NRP2: variants seen among roughly 807,000 people sequenced by gnomAD.
NRP2 encodes the protein neuropilin 2, also known as neuropilin-2.
In NRP2, 52 loss-of-function variants were observed where a neutral mutation model predicts 110.4. That is an observed-to-expected ratio of 0.47 (90% confidence interval 0.38 to 0.59). The LOEUF is 0.59. NRP2 is among the 20% of genes least tolerant of loss of function. The pLI is 0.00. For synonymous variants in NRP2, 508 were observed against 468.9 expected, an observed-to-expected ratio of 1.08 and a Z score of -1.08; for missense variants, 1,049 against 1,203.0, an observed-to-expected ratio of 0.87 and a Z score of 1.89.
rs1025960650 is a variant in NRP2, at chr2:205,683,051, G to A, written c.-240G>A. The A allele has an allele frequency of 3.6e-6, 2 of 550,218 alleles. No individual in the cohort carries two copies. The highest frequency in any genetic ancestry group is 3.1e-5 in the Admixed American group (1 of 32,122). 34.1% of individuals were successfully genotyped at this position (550,218 alleles called of 1,614,324 possible). A position where few individuals can be genotyped will look rare whatever the true frequency, so the allele number is the denominator to read the frequency against. Reference sequence around the variant, plus strand: ...GCGTTTTGTTTTTAAGAGGAAAACCGTGTTCTCTTCCCGGCTTGTTCCCTC... The same window carrying A: ...GCGTTTTGTTTTTAAGAGGAAAACCATGTTCTCTTCCCGGCTTGTTCCCTC... On this transcript the variant is annotated 5_prime_UTR_variant, in exon 1 of 17. The change creates a new upstream start codon in the 5' untranslated region. Transcript: ENST00000357785.
At chr2:205,690,626 A>ACACACG (rs768244705) in intron 1 of NRP2, among the ~76,000 whole-genome samples, 79 of 124,564 alleles carry the variant, frequency 6.3e-4, no homozygotes, top group Non-Finnish European at 1.1e-3. Flanking sequence ...ACACACACAC[A>ACACACG]CACAATAGCT....
In NRP2 at chr2:205,795,002, G is replaced by T; in HGVS notation, c.2725G>T (p.Asp909Tyr). Residue 909 changes from aspartate (D) to tyrosine (Y), a missense_variant, in exon 17 of 17, where the codon GAT (aspartate) becomes TAT (tyrosine). Coordinates refer to ENST00000357785, the MANE Select transcript of NRP2 (RefSeq NM_003872.3). Reference sequence around the variant, plus strand: ...GGAGAACTACAACTTCGAGCTCTACGATGGCCTTAAGCACAAGGTCAAGAT... The same window carrying T: ...GGAGAACTACAACTTCGAGCTCTACTATGGCCTTAAGCACAAGGTCAAGAT... Reference protein sequence around the residue: ...TLENYNFELYDGLKHKVKMNH... With the variant: ...TLENYNFELYYGLKHKVKMNH... 1 of 1,614,184 alleles carries T rather than the reference G, an allele frequency of 6.2e-7. No individual in the cohort carries two copies. The highest frequency in any genetic ancestry group is 8.5e-7 in the Non-Finnish European group (1 of 1,180,036).
intron 7 of NRP2, among the ~76,000 whole-genome samples, chr2:205,730,255 G>A (rs1047679868): frequency 9.9e-5 from 15 of 152,158 alleles, no homozygotes; most frequent in African/African-American, 3.4e-4. Context: ...CCTCATTCAC[G>A]GTGCGTCAGC....
At chr2:205,685,960 A>T (rs1385726093) in intron 1 of NRP2, 1 of 152,268 alleles carries the variant, frequency 6.6e-6, no homozygotes, top group Admixed American at 6.5e-5. Flanking sequence ...GTGCGCAGGA[A>T]CAGGTGAAGA....
intron 16 of NRP2, among the ~76,000 whole-genome samples, chr2:205,793,842 G>T (rs370716535): frequency 1.3e-5 from 2 of 152,158 alleles, no homozygotes; most frequent in East Asian, 1.9e-4. Flanking sequence ...GGGGGATACA[G>T]TTCAACCAGT....
Position 205,743,254 on chromosome 2 carries a change from C to T in NRP2, c.1343C>T (p.Ser448Phe). ...ATGCTCTCAGGCCTCATTGCAGACT[C>T]CCAGATCTCCGCCTCTTCCACCCAG... ...LGMLSGLIAD[S>F]QISASSTQEY... Residue 448 changes from serine (S) to phenylalanine (F), a missense_variant, in exon 9 of 17, where the codon TCC becomes TTC. Transcript: ENST00000357785. The T allele has an allele frequency of 6.2e-7, 1 of 1,614,116 alleles. No individual in the cohort carries two copies. The highest frequency in any genetic ancestry group is 8.5e-7 in the Non-Finnish European group (1 of 1,180,040).
At position 205,727,958 on chromosome 2, in the gene NRP2, A is replaced by G; in HGVS notation, c.1058A>G (p.Gln353Arg). 6.2e-7 allele frequency: 1 copy of G among 1,614,198 alleles called. No individual in the cohort carries two copies. The stretch of plus-strand genomic sequence containing the variant: ...CAGGGAGCGATTTCCAGGGAAACAC[A>G]GAATGGCTACTATGTCAAATCCTAC... ...ATQGAISRET[Q>R]NGYYVKSYKL... The change falls in exon 7 of 17, where the codon CAG (glutamine) becomes CGG (arginine). Residue 353 changes from glutamine to arginine, a missense_variant. Coordinates refer to ENST00000357785, the MANE Select transcript of NRP2 (RefSeq NM_003872.3).
intron 5 of NRP2, 72 bp downstream of exon 5, chr2:205,724,012 G>T: frequency 1.3e-6 from 2 of 1,560,258 alleles, no homozygotes; most frequent in East Asian, 2.3e-5. Context: ...GTGAAGGGGG[G>T]CTGAGCTCTT....
intron 4 of NRP2, 111 bp from the exon 5 acceptor site, chr2:205,723,674 G>A (rs1462134908): frequency 1.8e-6 from 2 of 1,093,004 alleles, no homozygotes; most frequent in Middle Eastern, 2.0e-4. Context: ...ATGGCAAGAT[G>A]TACAAAGTGT....
chr2:205,767,231 C>T (rs1338219966), intron 15 of NRP2: 2 of 304,042 alleles, frequency 6.6e-6, no homozygotes, highest in East Asian at 1.9e-4. Context: ...CTTTCCAGTT[C>T]CAGGGTACCA....
At chr2:205,775,561 T>G (rs1048094734) in intron 15 of NRP2, among the ~76,000 whole-genome samples, 31 of 152,140 alleles carry the variant, frequency 2.0e-4, no homozygotes, top group African/African-American at 7.2e-4. Flanking sequence ...TCCATCCAAT[T>G]AAAAAATGAG....
chr2:205,706,875 G>T (rs1205194140), intron 2 of NRP2, among the ~76,000 whole-genome samples: 1 of 152,126 alleles, frequency 6.6e-6, no homozygotes, highest in African/African-American at 2.4e-5. Flanking sequence ...ACACTGCCAG[G>T]GCCTCCACTG....
At chr2:205,701,102 T>C (rs1263672720) in intron 2 of NRP2, 1 of 163,072 alleles carries the variant, frequency 6.1e-6, no homozygotes, top group Non-Finnish European at 1.3e-5. Flanking sequence ...GTTGAGTGGT[T>C]TTTTCCATTT....
At position 205,763,902 on chromosome 2, in the gene NRP2, G is replaced by A; in HGVS notation, c.2273G>A (p.Arg758Gln). The change falls in exon 13 of 17, where the codon CGG becomes CAG. Residue 758 changes from arginine (R) to glutamine (Q), a missense_variant. Arg to Gln is a conservative substitution (Grantham distance 43). Coordinates refer to ENST00000357785, the MANE Select transcript of NRP2 (RefSeq NM_003872.3). The surrounding 1 kb of genome is among the most constrained non-coding windows in gnomAD (Gnocchi z 4.0). ...CAGGGCGGCGAGTGGAAGCACGGGC[G>A]GATCATCCTGCCCAGCTACGACATG... is the stretch of plus-strand genomic sequence containing the variant. ...EDQGGEWKHG[R>Q]IILPSYDMEY... 6.2e-7 allele frequency: 1 copy of A among 1,614,028 alleles called. No individual in the cohort carries two copies. The highest frequency in any genetic ancestry group is 8.5e-7 in the Non-Finnish European group (1 of 1,179,926).
At position 205,746,904 on chromosome 2, in the gene NRP2, ATTAGCCTCCTCAC is replaced by A. The variant is rs2057548344; in HGVS notation, c.1786+1017_1786+1029del. Among the ~76,000 whole-genome samples the A allele has an allele frequency of 2.0e-5, 3 of 152,178 alleles. No individual in the cohort carries two copies. The South Asian group carries it at 6.2e-4, about 31-fold the overall frequency. ...CACACGGGCTGGGAATTGGGCCCAA[ATTAGCCTCCTCAC>A]TTTTGAATTGAAGGCAGCCCCAGCG... On this transcript the variant is annotated intron_variant, in intron 10 of 16. Coordinates refer to ENST00000357785, the MANE Select transcript of NRP2 (RefSeq NM_003872.3).
Position 205,773,806 on chromosome 2 carries a change from C to A in NRP2, c.2425+7003C>A, listed in dbSNP as rs141781515. On this transcript the variant is annotated intron_variant, in intron 15 of 16. Coordinates refer to ENST00000357785, the MANE Select transcript of NRP2 (RefSeq NM_003872.3). ...AGCATTTTGGCTGAAGGAAAGCAGACTTTTGAACAAAGATGATGTAGTGAT... is the reference window on the plus strand; with the variant it reads ...AGCATTTTGGCTGAAGGAAAGCAGAATTTTGAACAAAGATGATGTAGTGAT... Among the ~76,000 whole-genome samples, 85 of 152,306 alleles carry A rather than the reference C, an allele frequency of 5.6e-4. 2 individuals carry two copies. In the East Asian group the frequency reaches 0.014, roughly 26 times the overall value.
intron 2 of NRP2, among the ~76,000 whole-genome samples, chr2:205,712,581 T>C (rs928897993): frequency 4.6e-5 from 7 of 152,168 alleles, no homozygotes; most frequent in Non-Finnish European, 1.5e-5. Context: ...ACACTGAAAT[T>C]TCTAAGGAGA....
chr2:205,740,654 C>T lies in NRP2; in HGVS notation c.1282C>T (p.Arg428Trp), dbSNP rs139711818. Residue 428 changes from arginine to tryptophan, a missense_variant, in exon 8 of 17, where the codon CGG (arginine) becomes TGG (tryptophan). Physicochemically the swap from Arg to Trp is moderately radical, Grantham distance 101 (BLOSUM62 -3). Coordinates refer to ENST00000357785, the MANE Select transcript of NRP2 (RefSeq NM_003872.3). ...IALRLELFGC[R>W]VTDAPCSNML... ...CCTCCGGCTGGAGCTCTTCGGCTGCCGGGTCACAGGTGAGGTGGGGGCTCC... is the reference window on the plus strand; with the variant it reads ...CCTCCGGCTGGAGCTCTTCGGCTGCTGGGTCACAGGTGAGGTGGGGGCTCC... 173 of 1,614,124 alleles carry T rather than the reference C, an allele frequency of 1.1e-4. 1 individual carries two copies. The Middle Eastern group carries it at 1.5e-3, about 14-fold the overall frequency.
At chr2:205,717,800 G>A (rs2056930177) in intron 3 of NRP2, among the ~76,000 whole-genome samples, 1 of 152,194 alleles carries the variant, frequency 6.6e-6, no homozygotes, top group South Asian at 2.1e-4. Context: ...GAGCAGTGGG[G>A]AGAATAAAAG....
Sources: allele counts gnomAD v4.1 joint callset (sites outside exome capture counted in the v4.1 genomes callset), GRCh38; gene constraint gnomAD v4.1.1; non-coding constraint Gnocchi (gnomAD v3.1); transcripts MANE v1.5; gene names NCBI Gene and HGNC (gene_info 2026-07-23, HGNC 2026-07-21).